PROSER1: variants seen among roughly 807,000 people sequenced by gnomAD.
PROSER1 encodes the protein proline and serine-rich protein 1.
In PROSER1, 36 loss-of-function variants were observed where a neutral mutation model predicts 71.8. The observed-to-expected ratio is 0.50, with a 90% CI of 0.38 to 0.66. The LOEUF (loss-of-function observed/expected upper bound fraction) is 0.66. Among genes scored for constraint, PROSER1 ranks in the 30% least tolerant of loss-of-function variants. The pLI, the probability that PROSER1 is intolerant of heterozygous loss-of-function variation, is 0.00. For missense variants in PROSER1, 1,107 were observed against 1,135.0 expected, an observed-to-expected ratio of 0.98 and a Z score of 0.35; for synonymous variants, 490 against 452.4, an observed-to-expected ratio of 1.08 and a Z score of -1.06.
intron 7 of PROSER1, among the ~76,000 whole-genome samples, chr13:39,024,209 T>A (rs1009245236): frequency 1.3e-5 from 2 of 152,150 alleles, no homozygotes; most frequent in African/African-American, 4.8e-5. Flanking sequence ...ACTCCGTATC[T>A]CCAACTGAGC....
intron 9 of PROSER1, among the ~76,000 whole-genome samples, chr13:39,021,035 A>G (rs748738448): frequency 3.9e-5 from 6 of 152,192 alleles, no homozygotes; most frequent in Non-Finnish European, 5.9e-5. Context: ...CTGTGTTTAC[A>G]TATGTGACCC....
intron 1 of PROSER1, 96 bp downstream of exon 1, chr13:39,037,102 A>G (rs938058123): frequency 4.8e-5 from 44 of 916,252 alleles, no homozygotes; most frequent in Middle Eastern, 2.6e-4. Flanking sequence ...CAATCCTAGG[A>G]CCCTTATTCT....
rs1170711618 is a variant in PROSER1 at position 39,017,556 on chromosome 13, T to C, written c.731-12A>G. On this transcript the variant is annotated splice_polypyrimidine_tract_variant and intron_variant, in intron 9 of 12. Transcript: ENST00000352251. ...AAGGTCTTCATTCTCTATATAAAAATAAATAAAAGTTCATTTTAAACTTTA... is the reference window on the plus strand; with the variant it reads ...AAGGTCTTCATTCTCTATATAAAAACAAATAAAAGTTCATTTTAAACTTTA... 6 of 1,364,420 alleles carry C rather than the reference T, an allele frequency of 4.4e-6. No homozygotes were observed. The highest frequency in any genetic ancestry group is 6.1e-6 in the Non-Finnish European group (6 of 984,620). 84.5% of individuals were successfully genotyped at this position (1,364,420 alleles called of 1,614,324 possible).
In PROSER1 at chr13:39,024,499, C is replaced by T; in HGVS notation, c.538G>A (p.Ala180Thr). The T allele has an allele frequency of 1.9e-6, 3 of 1,610,324 alleles. No individual in the cohort carries two copies. Among genetic ancestry groups the T allele is most frequent in the Non-Finnish European group, 2.5e-6 (3 of 1,178,306 alleles). The change falls in exon 7 of 13, where the codon GCA (alanine) becomes ACA (threonine). Residue 180 changes from alanine (A) to threonine (T), a missense_variant. Physicochemically the swap from Ala to Thr is moderately conservative, Grantham distance 58 (BLOSUM62 0). Coordinates refer to ENST00000352251, the MANE Select transcript of PROSER1 (RefSeq NM_025138.5). ...ECTNEGKGIAARILGPSKPPP... is the reference protein window; with the variant it reads ...ECTNEGKGIATRILGPSKPPP... ...GGTTTGGATGGCCCAAGAATTCGTG[C>T]AGCTATTCCTTTGCCTTCGTTAGTA...
chr13:39,024,361 T>C, intron 7 of PROSER1, 112 bp downstream of exon 7: 1 of 736,804 alleles, frequency 1.4e-6, no homozygotes, highest in Non-Finnish European at 2.3e-6. Context: ...TCTCCTACAA[T>C]TTCTAGAATA....
At chr13:39,022,491 A>G (rs1870343496) in intron 8 of PROSER1, 79 bp from the exon 9 acceptor site, 1 of 896,076 alleles carries the variant, frequency 1.1e-6, no homozygotes, top group East Asian at 2.4e-5. Flanking sequence ...TAGGAGTTCA[A>G]ACTATATTAA....
In PROSER1 at chr13:39,011,389, G is replaced by T; in HGVS notation, c.2811C>A (p.Ser937Arg). ...TTCACTGCCACCCACTCTGGGACAGGCTTGGTTGCAAAGAAAATGGTGTTC... is the reference window on the plus strand; with the variant it reads ...TTCACTGCCACCCACTCTGGGACAGTCTTGGTTGCAAAGAAAATGGTGTTC... Reference protein sequence around the residue: ...APGTPFSLQPSLSQSGWQ With the variant: ...APGTPFSLQPRLSQSGWQ Residue 937 changes from serine to arginine, a missense_variant, in exon 13 of 13, where the codon AGC (serine) becomes AGA (arginine). Physicochemically the swap from Ser to Arg is moderately radical, Grantham distance 110. Transcript: ENST00000352251. 1 of 1,614,068 alleles carries T rather than the reference G, an allele frequency of 6.2e-7. No homozygotes were observed. The highest frequency in any genetic ancestry group is 8.5e-7 in the Non-Finnish European group (1 of 1,179,928).
chr13:39,023,198 T>G, intron 7 of PROSER1, 68 bp from the exon 8 acceptor site: 1 of 1,190,172 alleles, frequency 8.4e-7, no homozygotes, highest in Non-Finnish European at 1.3e-6. Context: ...CAACTTGTCT[T>G]TCAAAATATT....
chr13:39,014,039 T>C lies in PROSER1; in HGVS notation c.1213A>G (p.Ser405Gly). The change falls in exon 11 of 13, where the codon AGC (serine) becomes GGC (glycine). Residue 405 changes from serine (S) to glycine (G), a missense_variant. Physicochemically the swap from Ser to Gly is moderately conservative, Grantham distance 56. Transcript: ENST00000352251. ...AFASTSAPFTSLPFSTSSSAA... is the reference protein window; with the variant it reads ...AFASTSAPFTGLPFSTSSSAA... ...GAAGAGCTGGTGGAAAAGGGGAGGCTAGTGAAAGGTGCAGAAGTAGAAGCA... is the reference window on the plus strand; with the variant it reads ...GAAGAGCTGGTGGAAAAGGGGAGGCCAGTGAAAGGTGCAGAAGTAGAAGCA... 1.2e-6 allele frequency: 2 copies of C among 1,614,018 alleles called. No homozygotes were observed. Among genetic ancestry groups the C allele is most frequent in the Non-Finnish European group, 1.7e-6 (2 of 1,180,020 alleles).
In PROSER1 at chr13:39,013,217, T is replaced by TA; in HGVS notation, c.2034dup (p.Ile679TyrfsTer38). ...GAGGAACCATGTGGTGGAAGGGAAATAGAGGAAAGAGGATTTGAACCATTT... is the reference window on the plus strand; with the variant it reads ...GAGGAACCATGTGGTGGAAGGGAAATAAGAGGAAAGAGGATTTGAACCATTT... On this transcript the variant is annotated frameshift_variant, in exon 11 of 13. Coordinates refer to ENST00000352251, the MANE Select transcript of PROSER1 (RefSeq NM_025138.5). LOFTEE classifies it high-confidence loss of function. 6.2e-7 allele frequency: 1 copy of TA among 1,613,556 alleles called. No homozygotes were observed. Among genetic ancestry groups the TA allele is most frequent in the Admixed American group, 1.7e-5 (1 of 59,956 alleles).
Position 39,028,359 on chromosome 13 carries a change from C to A in PROSER1, c.276-39G>T, listed in dbSNP as rs573152681. Reference sequence around the variant, plus strand: ...ACAATTTAGCTTTTTGTTTAAAAATCTGAACATACATCGAGGTAAGCAACC... The same window carrying A: ...ACAATTTAGCTTTTTGTTTAAAAATATGAACATACATCGAGGTAAGCAACC... On this transcript the variant is annotated intron_variant, in intron 4 of 12. Coordinates refer to ENST00000352251, the MANE Select transcript of PROSER1 (RefSeq NM_025138.5). The A allele has an allele frequency of 2.1e-5, 26 of 1,244,894 alleles. No homozygotes were observed. The South Asian group carries it at 3.2e-4, about 15-fold the overall frequency. The allele number at this position is 1,244,894 out of a possible 1,614,324, so 77.1% of individuals were successfully genotyped here.
intron 9 of PROSER1, among the ~76,000 whole-genome samples, chr13:39,020,336 C>A (rs1433544272): frequency 6.6e-6 from 1 of 151,926 alleles, no homozygotes; most frequent in Non-Finnish European, 1.5e-5. Flanking sequence ...AATGTCAGTT[C>A]TTCTGAAATT....
At position 39,011,456 on chromosome 13, in the gene PROSER1, G is replaced by A; in HGVS notation, c.2744C>T (p.Pro915Leu). The change falls in exon 13 of 13, where the codon CCA becomes CTA. Residue 915 changes from proline (P) to leucine (L), a missense_variant. Coordinates refer to ENST00000352251, the MANE Select transcript of PROSER1 (RefSeq NM_025138.5). ...ACTAGGAAACCCATCAGGCTGAGCT[G>A]GATAGCTTTCCAGAGCCGAAGCTGA... is the stretch of plus-strand genomic sequence containing the variant. ...VHSASALESYPAQPDGFPSYP... is the reference protein window; with the variant it reads ...VHSASALESYLAQPDGFPSYP... The A allele has an allele frequency of 6.2e-7, 1 of 1,614,030 alleles. No homozygotes were observed. The highest frequency in any genetic ancestry group is 8.5e-7 in the Non-Finnish European group (1 of 1,179,938).
chr13:39,033,043 C>A (rs1566029208), intron 2 of PROSER1, among the ~76,000 whole-genome samples: 1 of 152,072 alleles, frequency 6.6e-6, no homozygotes, highest in Non-Finnish European at 1.5e-5. Flanking sequence ...GCCTCAGCCT[C>A]CTGAACAGCT....
rs2138098986 is a variant in PROSER1 at position 39,013,701 on chromosome 13, C to A, written c.1551G>T (p.Lys517Asn). The A allele has an allele frequency of 6.2e-7, 1 of 1,614,054 alleles. No homozygotes were observed. The highest frequency in any genetic ancestry group is 8.5e-7 in the Non-Finnish European group (1 of 1,180,000). ...TAGGGATGGCTGATGGGGCATAGCA[C>A]TTGTTAGGGGCTGAAGCAGAAGAGT... ...NSDSSASAPN[K>N]CYAPSAIPTP... Residue 517 changes from lysine to asparagine, a missense_variant, in exon 11 of 13, where the codon AAG (lysine) becomes AAT (asparagine). Lys to Asn is a moderately conservative substitution (Grantham distance 94). Transcript: ENST00000352251.
At chr13:39,037,147 A>G in intron 1 of PROSER1, 51 bp downstream of exon 1, 2 of 1,367,156 alleles carry the variant, frequency 1.5e-6, no homozygotes, top group Non-Finnish European at 2.1e-6. Context: ...AAGAGAGTCT[A>G]AAACACGAGA....
At position 39,011,075 on chromosome 13, in the gene PROSER1, CT is replaced by C. The variant is rs1869621385; in HGVS notation, c.*289del. 1 of 286,584 alleles carries C rather than the reference CT, an allele frequency of 3.5e-6. No homozygotes were observed. Among genetic ancestry groups the C allele is most frequent in the Non-Finnish European group, 6.6e-6 (1 of 151,570 alleles). 17.8% of individuals were successfully genotyped at this position (286,584 alleles called of 1,614,324 possible). On this transcript the variant is annotated 3_prime_UTR_variant, in exon 13 of 13. Transcript: ENST00000352251. ...AGAGTTCAACCTACTCTTTAATATTCTTTCTATGTAGATCACATACACAATT... is the reference window on the plus strand; with the variant it reads ...AGAGTTCAACCTACTCTTTAATATTCTTCTATGTAGATCACATACACAATT...
chr13:39,012,876 A>T lies in PROSER1; in HGVS notation c.2376T>A (p.Ser792=). The change falls in exon 11 of 13, where the codon TCT becomes TCA. Residue 792 remains serine, a synonymous_variant. Coordinates refer to ENST00000352251, the MANE Select transcript of PROSER1 (RefSeq NM_025138.5). The part of the protein sequence containing the change: ...SSSNPSYPGF[S]VSNTPSVTPA... ...GGGTAACGCTTGGGGTATTAGAGAC[A>T]GAAAAGCCTGGATAGGAGGGATTTG... The T allele has an allele frequency of 6.2e-7, 1 of 1,614,212 alleles. No individual in the cohort carries two copies. Among genetic ancestry groups the T allele is most frequent in the Non-Finnish European group, 8.5e-7 (1 of 1,180,028 alleles).
Position 39,013,747 on chromosome 13 carries a change from G to C in PROSER1, c.1505C>G (p.Ser502Cys). Residue 502 changes from serine (S) to cysteine (C), a missense_variant, in exon 11 of 13, where the codon TCT becomes TGT. Physicochemically the swap from Ser to Cys is moderately radical, Grantham distance 112. Coordinates refer to ENST00000352251, the MANE Select transcript of PROSER1 (RefSeq NM_025138.5). ...AVTSGLASLSSLTLQNSDSSA... is the reference protein window; with the variant it reads ...AVTSGLASLSCLTLQNSDSSA... Reference sequence around the variant, plus strand: ...AGAGTCAGAGTTCTGAAGAGTAAGAGAAGATAGTGAAGCCAGCCCACTTGT... The same window carrying C: ...AGAGTCAGAGTTCTGAAGAGTAAGACAAGATAGTGAAGCCAGCCCACTTGT... 6.2e-7 allele frequency: 1 copy of C among 1,614,188 alleles called. No homozygotes were observed. The highest frequency in any genetic ancestry group is 1.1e-5 in the South Asian group (1 of 91,082).
Sources: allele counts gnomAD v4.1 joint callset (sites outside exome capture counted in the v4.1 genomes callset), GRCh38; gene constraint gnomAD v4.1.1; transcripts MANE v1.5; gene names NCBI Gene and HGNC (gene_info 2026-07-23, HGNC 2026-07-21).